Variants in THRB observed in about 807,000 individuals in gnomAD.
The protein encoded by THRB is thyroid hormone receptor beta.
THRB carries 12 observed loss-of-function variants against 47.8 expected under a neutral mutation model. The ratio of observed to expected loss-of-function variants is 0.25; its 90% CI spans 0.16 to 0.41. The LOEUF is 0.41. THRB is among the 10% of genes least tolerant of loss of function. The pLI is 1.00. For synonymous variants in THRB, 218 were observed against 212.2 expected (o/e 1.03, Z -0.24); for missense variants, 348 against 589.2 (o/e 0.59, Z 4.24).
At chr3:24,209,072 G>A (rs758114994) in intron 4 of THRB, among the ~76,000 whole-genome samples, 40 of 152,040 alleles carry the variant, frequency 2.6e-4, no homozygotes, top group Non-Finnish European at 5.3e-4. Context: ...CAGCCAACAG[G>A]CACATGAAAA....
At chr3:24,167,391 T>G (rs1421725075) in intron 5 of THRB, among the ~76,000 whole-genome samples, 2 of 152,152 alleles carry the variant, frequency 1.3e-5, no homozygotes, top group Non-Finnish European at 2.9e-5. Flanking sequence ...TGATTACCAT[T>G]AAAACAAATG....
intron 5 of THRB, 196 bp downstream of exon 5, chr3:24,189,878 C>A (rs2043107619): frequency 5.0e-6 from 3 of 597,686 alleles, no homozygotes; most frequent in East Asian, 5.9e-5. Flanking sequence ...AAACAAGCTG[C>A]CTTTCTTTGG....
intron 5 of THRB, among the ~76,000 whole-genome samples, chr3:24,188,685 A>G (rs1471406313): frequency 6.6e-6 from 1 of 152,056 alleles, no homozygotes; most frequent in Non-Finnish European, 1.5e-5. Flanking sequence ...GTTGAGATAC[A>G]ATCTGGCCAC....
At chr3:24,382,477 T>A (rs1367714868) in intron 1 of THRB, among the ~76,000 whole-genome samples, 1 of 152,060 alleles carries the variant, frequency 6.6e-6, no homozygotes, top group Non-Finnish European at 1.5e-5. Flanking sequence ...AAGTTATCGA[T>A]GGAATAGGAA....
chr3:24,248,179 A>G (rs1424433064), intron 3 of THRB, among the ~76,000 whole-genome samples: 3 of 152,096 alleles, frequency 2.0e-5, no homozygotes, highest in African/African-American at 7.3e-5. Context: ...TCAAATTCAT[A>G]AGAATGGACC....
intron 4 of THRB, among the ~76,000 whole-genome samples, chr3:24,220,148 G>A (rs1334853105): frequency 6.6e-6 from 1 of 152,166 alleles, no homozygotes; most frequent in Non-Finnish European, 1.5e-5. Flanking sequence ...CCCACCTGGA[G>A]ATTACTATTA....
chr3:24,310,813 C>T (rs771194061), intron 2 of THRB, among the ~76,000 whole-genome samples: 9 of 152,076 alleles, frequency 5.9e-5, no homozygotes, highest in Non-Finnish European at 1.2e-4. Flanking sequence ...AGGACATTCC[C>T]CACCACAAAT....
At chr3:24,130,007 T>G (rs1300636826) in intron 9 of THRB, among the ~76,000 whole-genome samples, 1 of 152,162 alleles carries the variant, frequency 6.6e-6, no homozygotes, top group East Asian at 1.9e-4. Context: ...CCACCTGAGA[T>G]CTCCAGCCCA....
intron 1 of THRB, among the ~76,000 whole-genome samples, chr3:24,421,178 T>C (rs920774699): frequency 6.6e-6 from 1 of 151,618 alleles, no homozygotes; most frequent in African/African-American, 2.4e-5. Context: ...AGGGGAACAA[T>C]AGACAGTGGG....
chr3:24,173,828 G>A (rs2040771723), intron 5 of THRB, among the ~76,000 whole-genome samples: 1 of 152,160 alleles, frequency 6.6e-6, no homozygotes, highest in Non-Finnish European at 1.5e-5. Flanking sequence ...CCCGTGTGCA[G>A]ATGGTGCTTA....
chr3:24,165,345 A>G, intron 5 of THRB: 1 of 761,754 alleles, frequency 1.3e-6, no homozygotes, highest in Non-Finnish European at 2.4e-6. Context: ...TCTTGCATAC[A>G]GTAGTTCATT....
intron 1 of THRB, among the ~76,000 whole-genome samples, chr3:24,406,477 C>A (rs1438414485): frequency 6.6e-6 from 1 of 151,518 alleles, no homozygotes; most frequent in East Asian, 2.0e-4. Flanking sequence ...TAAGAATCCG[C>A]TCTTGTGGTC....
chr3:24,326,202 C>T (rs1260807217), intron 2 of THRB, among the ~76,000 whole-genome samples: 1 of 152,146 alleles, frequency 6.6e-6, no homozygotes, highest in Non-Finnish European at 1.5e-5. Context: ...CCTGATTTCT[C>T]CCCACCTCCA....
intron 2 of THRB, among the ~76,000 whole-genome samples, chr3:24,321,291 G>T (rs1354663439): frequency 6.6e-6 from 1 of 152,116 alleles, no homozygotes; most frequent in Non-Finnish European, 1.5e-5. Flanking sequence ...CAAAAGCAGG[G>T]TCTCTTCATC....
intron 1 of THRB, among the ~76,000 whole-genome samples, chr3:24,367,524 T>TA (rs1245907918): frequency 6.6e-6 from 1 of 152,162 alleles, no homozygotes; most frequent in Non-Finnish European, 1.5e-5. Context: ...AGCCTTTGGG[T>TA]TCTGGGCTCA....
intron 3 of THRB, among the ~76,000 whole-genome samples, chr3:24,286,838 G>A (rs1384900909): frequency 6.6e-6 from 1 of 152,154 alleles, no homozygotes; most frequent in Non-Finnish European, 1.5e-5. Flanking sequence ...GCAATGAGAA[G>A]GGCATGTGCT....
At chr3:24,157,122 G>T (rs1015892269) in intron 5 of THRB, among the ~76,000 whole-genome samples, 2 of 152,112 alleles carry the variant, frequency 1.3e-5, no homozygotes, top group African/African-American at 4.8e-5. Context: ...TTCATCCATT[G>T]CCCTCTGCAA....
At chr3:24,296,431 T>G (rs547016130) in intron 3 of THRB, among the ~76,000 whole-genome samples, 1 of 152,344 alleles carries the variant, frequency 6.6e-6, no homozygotes, top group South Asian at 2.1e-4. Context: ...GACGGGCAAT[T>G]CTTTTGCAAA....
intron 1 of THRB, among the ~76,000 whole-genome samples, chr3:24,380,754 T>C (rs2065645512): frequency 6.6e-6 from 1 of 152,186 alleles, no homozygotes; most frequent in African/African-American, 2.4e-5. Flanking sequence ...CAATTACTTC[T>C]TCCAGTTTTA....
Sources: allele counts gnomAD v4.1 joint callset (sites outside exome capture counted in the v4.1 genomes callset), GRCh38; gene constraint gnomAD v4.1.1; transcripts MANE v1.5; gene names NCBI Gene and HGNC (gene_info 2026-07-23, HGNC 2026-07-21).